The following DLGAP2 variants were observed in gnomAD, a reference collection of about 807,000 sequenced individuals.
DLGAP2 encodes disks large-associated protein 2.
Under a neutral mutation model 100.3 loss-of-function variants are expected in DLGAP2, and 26 were observed. The observed-to-expected ratio is 0.26, with a 90% confidence interval of 0.19 to 0.36. The LOEUF (loss-of-function observed/expected upper bound fraction) is 0.36, where lower values mean the gene tolerates loss of function less well. Ranked by LOEUF, DLGAP2 falls within the 10% of genes least tolerant of loss-of-function variation. The pLI, the probability that DLGAP2 is intolerant of heterozygous loss-of-function variation, is 1.00. For missense variants in DLGAP2, 1,858 were observed against 1,453.2 expected (o/e 1.28, Z -4.53); for synonymous variants, 886 against 630.1 (o/e 1.41, Z -6.08).
intron 3 of DLGAP2, among the ~76,000 whole-genome samples, chr8:1,344,909 C>G (rs375629184): frequency 1.3e-5 from 2 of 152,306 alleles, no homozygotes; most frequent in Middle Eastern, 3.4e-3. Context: ...ATTCCACTTC[C>G]GGTCAAAGGA....
At chr8:1,681,853 G>C (rs938013762) in intron 12 of DLGAP2, among the ~76,000 whole-genome samples, 12 of 149,948 alleles carry the variant, frequency 8.0e-5, no homozygotes, top group Middle Eastern at 3.2e-3. Context: ...ACCCGGGACT[G>C]GGAGTCACGG....
In DLGAP2 at chr8:1,297,443, CAGGG is replaced by C. The variant is rs1316959603; in HGVS notation, c.106+38564_106+38567del. On this transcript the variant is annotated intron_variant, in intron 3 of 14. Coordinates refer to ENST00000637795, the MANE Select transcript of DLGAP2 (RefSeq NM_001346810.2). Reference sequence around the variant, plus strand: ...ATGCGCGAACAGACACCACGCGAGACAGGGAGGAGAAAGGTGGCATGCGTGAACA... The same window carrying C: ...ATGCGCGAACAGACACCACGCGAGACAGGAGAAAGGTGGCATGCGTGAACA... 2.7e-5 allele frequency among the ~76,000 whole-genome samples: 4 copies of C among 149,354 alleles called. No homozygotes were observed. The East Asian group carries it at 6.0e-4, about 22-fold the overall frequency.
In DLGAP2 at chr8:1,364,487, C is replaced by T. The variant is rs976185376; in HGVS notation, c.106+105604C>T. ...ACCGCTGCGAGAGGGAGGCGGGCGC[C>T]GGTCATGGGAAGGGCGGGGGGGGTG... On this transcript the variant is annotated intron_variant, in intron 3 of 14. Transcript: ENST00000637795. Among the ~76,000 whole-genome samples the T allele has an allele frequency of 5.7e-5, 6 of 105,144 alleles. 1 individual carries two copies. Among genetic ancestry groups the T allele is most frequent in the South Asian group, 3.6e-4 (1 of 2,760 alleles). The allele number at this position is 105,144 out of a possible 152,430, so 69.0% of individuals were successfully genotyped here.
intron 3 of DLGAP2, among the ~76,000 whole-genome samples, chr8:1,262,856 T>G (rs78027164): frequency 0.034 from 5,201 of 152,128 alleles, 129 homozygotes; most frequent in South Asian, 0.1. Flanking sequence ...CACAGGAAAA[T>G]TTATGGACAT....
At chr8:1,561,042 G>A (rs1462892999) in intron 5 of DLGAP2, among the ~76,000 whole-genome samples, 1 of 152,180 alleles carries the variant, frequency 6.6e-6, no homozygotes, top group Non-Finnish European at 1.5e-5. Context: ...GGAGGTGACT[G>A]AATCATGGGG....
chr8:1,257,048 C>T (rs1010401347), intron 2 of DLGAP2, among the ~76,000 whole-genome samples: 4 of 152,154 alleles, frequency 2.6e-5, no homozygotes, highest in African/African-American at 4.8e-5. Context: ...TCTTCTCTCC[C>T]GTCCCCTCCA....
chr8:1,641,827 A>T (rs994140566), intron 8 of DLGAP2, among the ~76,000 whole-genome samples: 2 of 152,040 alleles, frequency 1.3e-5, no homozygotes, highest in Non-Finnish European at 2.9e-5. Flanking sequence ...AGGTTTTCAG[A>T]TATTGTGGAG....
At chr8:1,431,485 G>A (rs1046419995) in intron 3 of DLGAP2, among the ~76,000 whole-genome samples, 4 of 152,216 alleles carry the variant, frequency 2.6e-5, no homozygotes, top group Admixed American at 6.5e-5. Context: ...CATAGAAACA[G>A]CAGCAGAAAG....
rs962838221 is a variant in DLGAP2, at chr8:1,288,668, G to C, written c.106+29785G>C. On this transcript the variant is annotated intron_variant, in intron 3 of 14. Coordinates refer to ENST00000637795, the MANE Select transcript of DLGAP2 (RefSeq NM_001346810.2). ...GTGTACGTAGTTAGGAGGGGAACTT[G>C]TTTCGGTTCAGTGTGTGTGTGTGTG... Among the ~76,000 whole-genome samples the C allele has an allele frequency of 5.8e-5, 8 of 138,086 alleles. No homozygotes were observed. The Admixed American group carries it at 6.0e-4, about 10-fold the overall frequency. The allele number at this position is 138,086 out of a possible 152,430, so 90.6% of individuals were successfully genotyped here.
chr8:1,099,902 G>T (rs567533519), intron 2 of DLGAP2, among the ~76,000 whole-genome samples: 1 of 152,128 alleles, frequency 6.6e-6, no homozygotes, highest in East Asian at 1.9e-4. Context: ...CTATTATGCC[G>T]CAAAGCTCTT....
chr8:1,389,712 G>A (rs1410754815), intron 3 of DLGAP2, among the ~76,000 whole-genome samples: 1 of 152,132 alleles, frequency 6.6e-6, no homozygotes, highest in Non-Finnish European at 1.5e-5. Context: ...CGTCCTCCAA[G>A]GACAGCTGTT....
chr8:1,584,827 A>G (rs1288534611), intron 6 of DLGAP2, among the ~76,000 whole-genome samples: 1 of 152,164 alleles, frequency 6.6e-6, no homozygotes, highest in Non-Finnish European at 1.5e-5. Context: ...TGCTGTTTCC[A>G]GTATCTTACC....
At chr8:1,635,474 A>T (rs7839980) in intron 8 of DLGAP2, among the ~76,000 whole-genome samples, 4 of 152,026 alleles carry the variant, frequency 2.6e-5, no homozygotes, top group African/African-American at 9.7e-5. Flanking sequence ...AATAGCTGTC[A>T]TTTACTGATC....
chr8:1,036,368 C>T (rs1198380936), intron 2 of DLGAP2, among the ~76,000 whole-genome samples: 6 of 152,250 alleles, frequency 3.9e-5, no homozygotes, highest in Non-Finnish European at 7.3e-5. Context: ...CACAAGACCC[C>T]CCGACGTGTG....
intron 1 of DLGAP2, among the ~76,000 whole-genome samples, chr8:813,735 A>T (rs1796413523): frequency 6.6e-6 from 1 of 152,170 alleles, no homozygotes; most frequent in Admixed American, 6.5e-5. Flanking sequence ...CCAGCTCTGC[A>T]TTCCGAGTAG....
intron 3 of DLGAP2, among the ~76,000 whole-genome samples, chr8:1,446,680 G>A (rs1015408694): frequency 1.3e-5 from 2 of 152,120 alleles, no homozygotes; most frequent in Non-Finnish European, 2.9e-5. Context: ...AATTACCTTG[G>A]GCAGTATGGC....
At chr8:1,049,977 C>T (rs115018802) in intron 2 of DLGAP2, among the ~76,000 whole-genome samples, 288 of 152,254 alleles carry the variant, frequency 1.9e-3, no homozygotes, top group Admixed American at 2.3e-3. Flanking sequence ...CATGTGCCTA[C>T]GTGTATGCAC....
chr8:1,149,587 C>G (rs944941533), intron 2 of DLGAP2, among the ~76,000 whole-genome samples: 1 of 152,096 alleles, frequency 6.6e-6, no homozygotes, highest in Non-Finnish European at 1.5e-5. Flanking sequence ...TTACTATATT[C>G]TAATATTTAA....
At chr8:975,333 A>C (rs1330025147) in intron 2 of DLGAP2, among the ~76,000 whole-genome samples, 2 of 152,240 alleles carry the variant, frequency 1.3e-5, no homozygotes, top group East Asian at 3.8e-4. Context: ...TAATTATTTC[A>C]GTACTCCACA....
Sources: allele counts gnomAD v4.1 joint callset (sites outside exome capture counted in the v4.1 genomes callset), GRCh38; gene constraint gnomAD v4.1.1; transcripts MANE v1.5; gene names NCBI Gene and HGNC (gene_info 2026-07-23, HGNC 2026-07-21).